Variants in ABCG8 observed in about 807,000 individuals in gnomAD.
ABCG8 encodes the protein ATP-binding cassette sub-family G member 8.
A neutral mutation model predicts 71.3 loss-of-function variants in ABCG8; 81 were observed. The observed-to-expected ratio is 1.14, with a 90% confidence interval of 0.95 to 1.37. The LOEUF (loss-of-function observed/expected upper bound fraction) is 1.37. Ranked by LOEUF, ABCG8 falls within the 40% of genes most tolerant of loss-of-function variation. The pLI is 0.00. For missense variants in ABCG8, 1,119 were observed against 866.2 expected (o/e 1.29, Z -3.66); for synonymous variants, 451 against 354.7 (o/e 1.27, Z -3.05).
chr2:43,862,628 C>T (rs1295888113), intron 6 of ABCG8, among the ~76,000 whole-genome samples: 2 of 150,392 alleles, frequency 1.3e-5, no homozygotes, highest in Admixed American at 6.6e-5. Context: ...ATAGTATTCT[C>T]ACTATCTGGA....
At position 43,878,646 on chromosome 2, in the gene ABCG8, G is replaced by C. The variant is rs1179278311; in HGVS notation, c.*733G>C. The C allele has an allele frequency of 1.9e-5, 3 of 156,190 alleles. No homozygotes were observed. The highest frequency in any genetic ancestry group is 7.2e-5 in the African/African-American group (3 of 41,462). 9.7% of individuals were successfully genotyped at this position (156,190 alleles called of 1,614,324 possible). A position where few individuals can be genotyped will look rare whatever the true frequency, so the allele number is the denominator to read the frequency against. ...TTGAGGCCTTTGGAGTTAGAGGGCA[G>C]AAGGCAAGGCCTGAGCCGCTGTAAG... On this transcript the variant is annotated 3_prime_UTR_variant, in exon 13 of 13. Coordinates refer to ENST00000272286, the MANE Select transcript of ABCG8 (RefSeq NM_022437.3).
At chr2:43,854,737 G>A (rs550945736) in intron 6 of ABCG8, among the ~76,000 whole-genome samples, 1 of 152,240 alleles carries the variant, frequency 6.6e-6, no homozygotes, top group South Asian at 2.1e-4. Flanking sequence ...GGGTGGGCAG[G>A]CATGCATGGT....
rs985613039 is a variant in ABCG8 at position 43,844,684 on chromosome 2, G to C, written c.165+76G>C. The C allele has an allele frequency of 4.1e-6, 5 of 1,219,974 alleles. No individual in the cohort carries two copies. The African/African-American group carries it at 7.4e-5, about 18-fold the overall frequency. The allele number at this position is 1,219,974 out of a possible 1,614,324, so 75.6% of individuals were successfully genotyped here. A position where few individuals can be genotyped will look rare whatever the true frequency, so the allele number is the denominator to read the frequency against. On this transcript the variant is annotated intron_variant, in intron 2 of 12. Transcript: ENST00000272286. ...GAAATTCCCCGGGTGGAAATAAAAG[G>C]GTGGGCCCAACTTGCAGGCCCTCTG...
Position 43,839,001 on chromosome 2 carries a change from C to A in ABCG8, c.-53C>A. ...GAGTGAAGACACTGGCCCTGGCAGG[C>A]AGCAGCTGGGTCTAAGAGAGCTGCA... On this transcript the variant is annotated 5_prime_UTR_variant, in exon 1 of 13. Transcript: ENST00000272286. 6.5e-7 allele frequency: 1 copy of A among 1,529,646 alleles called. No homozygotes were observed. The highest frequency in any genetic ancestry group is 8.9e-7 in the Non-Finnish European group (1 of 1,128,742). 94.8% of individuals were successfully genotyped at this position (1,529,646 alleles called of 1,614,324 possible).
chr2:43,864,054 C>T (rs1669432658), intron 6 of ABCG8, among the ~76,000 whole-genome samples: 1 of 151,432 alleles, frequency 6.6e-6, no homozygotes, highest in Non-Finnish European at 1.5e-5. Context: ...GCATAGAATT[C>T]TCACTATCTG....
chr2:43,874,183 G>A (rs981403526), intron 9 of ABCG8, among the ~76,000 whole-genome samples, 197 bp downstream of exon 9: 2 of 152,050 alleles, frequency 1.3e-5, no homozygotes, highest in African/African-American at 4.8e-5. Context: ...ATCCTAGCAG[G>A]ATTTATATTT....
intron 2 of ABCG8, 94 bp downstream of exon 2, chr2:43,844,702 G>A (rs1668688130): frequency 6.5e-6 from 6 of 919,892 alleles, no homozygotes; most frequent in Non-Finnish European, 1.0e-5. Flanking sequence ...CAACTTGCAG[G>A]CCCTCTGCCC....
At chr2:43,849,903 C>G (rs1054978815) in intron 3 of ABCG8, among the ~76,000 whole-genome samples, 11 of 152,102 alleles carry the variant, frequency 7.2e-5, no homozygotes, top group Non-Finnish European at 2.9e-5. Context: ...TTTTGGAGAT[C>G]AAAACTCCAT....
At chr2:43,862,728 T>C (rs1054381624) in intron 6 of ABCG8, among the ~76,000 whole-genome samples, 1 of 151,280 alleles carries the variant, frequency 6.6e-6, no homozygotes, top group African/African-American at 2.4e-5. Context: ...TCTCACCATC[T>C]GGATAGAACT....
At position 43,844,537 on chromosome 2, in the gene ABCG8, A is replaced by G. The variant is rs148370122; in HGVS notation, c.94A>G (p.Ser32Gly). 1.5e-3 allele frequency: 2,372 copies of G among 1,614,146 alleles called. 27 individuals are homozygous for G. In the African/African-American group the frequency reaches 0.028, roughly 19 times the overall value. Reference protein sequence around the residue: ...GLQDRLFSSESDNSLYFTYSG... With the variant: ...GLQDRLFSSEGDNSLYFTYSG... ...CCAGGATAGATTGTTCTCCTCTGAA[A>G]GTGACAACAGCCTGTACTTCACCTA... Residue 32 changes from serine (S) to glycine (G), a missense_variant, in exon 2 of 13, where the codon AGT becomes GGT. Physicochemically the swap from Ser to Gly is moderately conservative, Grantham distance 56. Transcript: ENST00000272286.
intron 6 of ABCG8, among the ~76,000 whole-genome samples, chr2:43,854,817 A>G (rs1669046084): frequency 6.6e-6 from 1 of 152,108 alleles, no homozygotes; most frequent in African/African-American, 2.4e-5. Flanking sequence ...TGGCATTGCC[A>G]GGGCCTTGGA....
At chr2:43,856,544 C>T (rs1461983086) in intron 6 of ABCG8, among the ~76,000 whole-genome samples, 1 of 151,948 alleles carries the variant, frequency 6.6e-6, no homozygotes, top group Non-Finnish European at 1.5e-5. Context: ...AGAAATCTCA[C>T]TTTCTATCTG....
intron 10 of ABCG8, 96 bp from the exon 11 acceptor site, chr2:43,875,050 A>T (rs1398812026): frequency 1.3e-6 from 2 of 1,549,962 alleles, no homozygotes; most frequent in Non-Finnish European, 8.8e-7. Flanking sequence ...ACCAGGAGGG[A>T]AGGTTGCTAT....
rs115754704 is a variant in ABCG8, at chr2:43,856,713, A to G, written c.964+3845A>G. Among the ~76,000 whole-genome samples, 568 of 151,962 alleles carry G rather than the reference A, an allele frequency of 3.7e-3. 7 individuals are homozygous for G. Among genetic ancestry groups the G allele is most frequent in the African/African-American group, 0.013 (540 of 41,492 alleles). ...TTTCTGGATAGAACTCTCACTATCT[A>G]TCTGGATGGAATTCTCACCATCTGG... On this transcript the variant is annotated intron_variant, in intron 6 of 12. Transcript: ENST00000272286.
At chr2:43,876,673 A>G (rs1349316082) in intron 11 of ABCG8, among the ~76,000 whole-genome samples, 1 of 148,124 alleles carries the variant, frequency 6.8e-6, no homozygotes, top group African/African-American at 2.5e-5. Context: ...ATATGAGGAA[A>G]GTGTGAATAT....
chr2:43,871,921 T>C, intron 6 of ABCG8, 55 bp from the exon 7 acceptor site: 2 of 1,612,174 alleles, frequency 1.2e-6, no homozygotes, highest in Middle Eastern at 1.8e-4. Flanking sequence ...GCTCTTCACC[T>C]GTGAGCAGGT....
chr2:43,877,466 G>T, intron 11 of ABCG8, 95 bp from the exon 12 acceptor site: 1 of 1,573,332 alleles, frequency 6.4e-7, no homozygotes, highest in South Asian at 1.1e-5. Context: ...TGGGAATATG[G>T]GGAGACTCTG....
intron 2 of ABCG8, among the ~76,000 whole-genome samples, chr2:43,845,125 T>G (rs1289783688): frequency 2.0e-5 from 3 of 149,836 alleles, no homozygotes; most frequent in Non-Finnish European, 4.4e-5. Flanking sequence ...TATATAATTT[T>G]TTTTTTGTAA....
intron 8 of ABCG8, among the ~76,000 whole-genome samples, chr2:43,873,311 C>A (rs1479196823): frequency 6.6e-6 from 1 of 151,948 alleles, no homozygotes; most frequent in Non-Finnish European, 1.5e-5. Context: ...GCCTCAGCCT[C>A]CCAAGTAGCT....
Sources: allele counts gnomAD v4.1 joint callset (sites outside exome capture counted in the v4.1 genomes callset), GRCh38; gene constraint gnomAD v4.1.1; transcripts MANE v1.5; gene names NCBI Gene and HGNC (gene_info 2026-07-23, HGNC 2026-07-21).